The following COL15A1 variants were observed in gnomAD, a reference collection of about 807,000 sequenced individuals.
COL15A1 encodes the protein collagen type XV alpha 1 chain, also known as collagen alpha-1(XV) chain.
A neutral mutation model predicts 165.9 loss-of-function variants in COL15A1; 111 were observed. That is an observed-to-expected ratio of 0.67 (90% CI 0.57 to 0.78). COL15A1 has a LOEUF of 0.78. Among genes scored for constraint, COL15A1 ranks in the 30% least tolerant of loss-of-function variants. The pLI is 0.00. For missense variants in COL15A1, 1,745 were observed against 1,789.7 expected (o/e 0.98, Z 0.45); for synonymous variants, 659 against 674.8 (o/e 0.98, Z 0.36).
At chr9:98,988,984 C>T (rs1838366694) in intron 4 of COL15A1, among the ~76,000 whole-genome samples, 194 bp from the exon 5 acceptor site, 1 of 151,728 alleles carries the variant, frequency 6.6e-6, no homozygotes, top group Non-Finnish European at 1.5e-5. Context: ...ATGCACACTG[C>T]ACACACGCTG....
At chr9:99,068,486 A>AAT in intron 40 of COL15A1, 69 bp from the exon 41 acceptor site, 1 of 621,358 alleles carries the variant, frequency 1.6e-6, no homozygotes, top group East Asian at 3.4e-5. Flanking sequence ...AAAAAAAAAA[A>AAT]GAGTAAAAAT....
At chr9:98,979,294 C>T (rs1022490495) in intron 2 of COL15A1, among the ~76,000 whole-genome samples, 1 of 152,142 alleles carries the variant, frequency 6.6e-6, no homozygotes, top group South Asian at 2.1e-4. Flanking sequence ...TATTAAATTG[C>T]CTCCCACCAC....
intron 24 of COL15A1, among the ~76,000 whole-genome samples, chr9:99,042,403 C>T (rs990753614): frequency 1.4e-4 from 21 of 152,086 alleles, no homozygotes; most frequent in Admixed American, 1.3e-4. Flanking sequence ...CTCTATGAGA[C>T]GAGAAGGTAC....
intron 2 of COL15A1, among the ~76,000 whole-genome samples, chr9:98,973,389 T>C (rs59544707): frequency 0.2 from 30,073 of 152,162 alleles, 3,247 homozygotes; most frequent in East Asian, 0.33. Context: ...TCTTCTGTAA[T>C]TCAGAAAAAT....
At chr9:98,980,899 G>T (rs1838227928) in intron 2 of COL15A1, among the ~76,000 whole-genome samples, 1 of 152,150 alleles carries the variant, frequency 6.6e-6, no homozygotes, top group African/African-American at 2.4e-5. Flanking sequence ...TATGCTGCTG[G>T]TGGGTCTGCG....
intron 35 of COL15A1, 82 bp from the exon 36 acceptor site, chr9:99,059,807 T>G (rs1825780430): frequency 2.7e-6 from 4 of 1,504,654 alleles, no homozygotes; most frequent in Non-Finnish European, 3.7e-6. Flanking sequence ...TTGAACACAC[T>G]TCTCTCCGGG....
Position 99,069,653 on chromosome 9 carries a change from A to G in COL15A1, c.3954-20A>G, listed in dbSNP as rs1275910297. 1.5e-5 allele frequency: 24 copies of G among 1,585,678 alleles called. No individual in the cohort carries two copies. The highest frequency in any genetic ancestry group is 1.9e-5 in the Non-Finnish European group (22 of 1,160,868). ...AAGAAGTGTCATTTTGAAAAATAAC[A>G]TGACAAAATTACTTTATAGGCCCCA... On this transcript the variant is annotated intron_variant, in intron 41 of 41. Coordinates refer to ENST00000375001, the MANE Select transcript of COL15A1 (RefSeq NM_001855.5).
chr9:99,049,375 C>CT (rs1642669132), intron 28 of COL15A1, among the ~76,000 whole-genome samples: 1 of 152,260 alleles, frequency 6.6e-6, no homozygotes, highest in South Asian at 2.1e-4. Flanking sequence ...GTGTCAGAAT[C>CT]TGAGTTGCAA....
Position 98,944,263 on chromosome 9 carries a change from G to A in COL15A1, c.100+13G>A. 6.2e-7 allele frequency: 1 copy of A among 1,612,116 alleles called. No individual in the cohort carries two copies. The highest frequency in any genetic ancestry group is 8.5e-7 in the Non-Finnish European group (1 of 1,179,254). ...CGCGGTGCGACAGGTAAGCAACCCG[G>A]TCGGAGGGTGGCACCGGCTGCCTCC... On this transcript the variant is annotated intron_variant, in intron 2 of 41. Coordinates refer to ENST00000375001, the MANE Select transcript of COL15A1 (RefSeq NM_001855.5).
intron 23 of COL15A1, chr9:99,040,781 A>C: frequency 1.4e-6 from 1 of 704,050 alleles, no homozygotes; most frequent in Non-Finnish European, 2.3e-6. Context: ...AGCCTCCCAA[A>C]GTGCTGGGAT....
intron 26 of COL15A1, among the ~76,000 whole-genome samples, chr9:99,047,232 A>G (rs977012913): frequency 8.5e-5 from 13 of 152,330 alleles, no homozygotes; most frequent in African/African-American, 3.1e-4. Context: ...CAGCACTGAA[A>G]TAGGGTCCAT....
intron 9 of COL15A1, among the ~76,000 whole-genome samples, chr9:99,006,378 A>G (rs1288901887): frequency 2.0e-5 from 3 of 152,242 alleles, no homozygotes; most frequent in Admixed American, 1.3e-4. Flanking sequence ...GTATCTGCTG[A>G]GTGAGTGAAT....
At chr9:98,981,567 G>T (rs1838236035) in intron 2 of COL15A1, among the ~76,000 whole-genome samples, 1 of 152,228 alleles carries the variant, frequency 6.6e-6, no homozygotes, top group Admixed American at 6.5e-5. Flanking sequence ...AAGAATGTGT[G>T]CATCATGCCA....
rs552438739 is a variant in COL15A1 at position 99,018,773 on chromosome 9, A to G, written c.1648-1616A>G. ...GAAAGAAGCTGGTTGTAAACCTAGT[A>G]TATTGTGTGGTTAACTATTTAAAAA... On this transcript the variant is annotated intron_variant, in intron 11 of 41. Coordinates refer to ENST00000375001, the MANE Select transcript of COL15A1 (RefSeq NM_001855.5). Among the ~76,000 whole-genome samples the G allele has an allele frequency of 3.3e-5, 5 of 152,370 alleles. No individual in the cohort carries two copies. In the South Asian group the frequency reaches 1.0e-3, roughly 32 times the overall value.
Position 99,056,422 on chromosome 9 carries a change from T to TGC in COL15A1, c.3337+19_3337+20dup. The TGC allele has an allele frequency of 6.3e-7, 1 of 1,594,454 alleles. No individual in the cohort carries two copies. On this transcript the variant is annotated intron_variant, in intron 35 of 41. Coordinates refer to ENST00000375001, the MANE Select transcript of COL15A1 (RefSeq NM_001855.5). Reference sequence around the variant, plus strand: ...GGGAGCAGGTTAGTGCCGTAAACAGTGCCCTTGTTCATGCTGTCCCTACCA... The same window carrying TGC: ...GGGAGCAGGTTAGTGCCGTAAACAGTGCGCCCTTGTTCATGCTGTCCCTACCA...
At chr9:99,049,916 T>C in intron 30 of COL15A1, 21 bp downstream of exon 30, 1 of 1,614,186 alleles carries the variant, frequency 6.2e-7, no homozygotes, top group South Asian at 1.1e-5. Flanking sequence ...ATCACTGCCT[T>C]AAAGAGCAGG....
intron 28 of COL15A1, among the ~76,000 whole-genome samples, chr9:99,049,399 G>C (rs557250765): frequency 2.6e-5 from 4 of 152,238 alleles, no homozygotes; most frequent in Non-Finnish European, 5.9e-5. Context: ...CAGTTCTGCT[G>C]TAAGTTGCTG....
At chr9:99,019,360 G>A (rs1261513501) in intron 11 of COL15A1, among the ~76,000 whole-genome samples, 3 of 151,916 alleles carry the variant, frequency 2.0e-5, no homozygotes, top group Non-Finnish European at 2.9e-5. Context: ...GCTACTACCC[G>A]GCTAATTTTT....
chr9:99,035,251 G>A, intron 18 of COL15A1, 97 bp downstream of exon 18: 2 of 1,596,114 alleles, frequency 1.3e-6, no homozygotes, highest in South Asian at 1.1e-5. Flanking sequence ...CAGAGGCTGT[G>A]CGGATTCCCC....
Sources: gnomAD v4.1 joint callset for allele counts (sites outside exome capture counted in the v4.1 genomes callset) on GRCh38, gnomAD v4.1.1 for gene constraint, MANE v1.5 for transcripts, NCBI Gene and HGNC (gene_info 2026-07-23, HGNC 2026-07-21) for gene names.